KNDC1: variants seen among roughly 807,000 people sequenced by gnomAD.
The protein encoded by KNDC1 is kinase non-catalytic C-lobe domain containing 1.
KNDC1 carries 106 observed loss-of-function variants against 172.8 expected under a neutral mutation model. That is an observed-to-expected ratio of 0.61 (90% CI 0.52 to 0.72). KNDC1 has a LOEUF of 0.72. Ranked by LOEUF, KNDC1 falls within the 30% of genes least tolerant of loss-of-function variation. The pLI is 0.00. For missense variants in KNDC1, 2,325 were observed against 2,394.5 expected (o/e 0.97, Z 0.61); for synonymous variants, 1,083 against 1,062.2 (o/e 1.02, Z -0.38).
At position 133,199,456 on chromosome 10, in the gene KNDC1, A is replaced by C; in HGVS notation, c.2759-2A>C. The C allele has an allele frequency of 6.2e-7, 1 of 1,613,340 alleles. No individual in the cohort carries two copies. Among genetic ancestry groups the C allele is most frequent in the Non-Finnish European group, 8.5e-7 (1 of 1,179,790 alleles). ...CTTGTCTCCATCGTTTTGCAAAACC[A>C]GGGGAGTACATCTTCGCCTTGAAAG... is the stretch of plus-strand genomic sequence containing the variant. On this transcript the variant is annotated splice_acceptor_variant, in intron 14 of 29. Transcript: ENST00000304613. LOFTEE classifies it high-confidence loss of function.
intron 1 of KNDC1, among the ~76,000 whole-genome samples, chr10:133,165,684 G>T (rs1591214839): frequency 6.6e-6 from 1 of 152,222 alleles, no homozygotes; most frequent in Non-Finnish European, 1.5e-5. Context: ...TGCGTGTGCA[G>T]GTGCATGGGT....
intron 2 of KNDC1, 111 bp from the exon 3 acceptor site, chr10:133,168,143 C>T (rs1853239892): frequency 2.2e-6 from 2 of 911,094 alleles, no homozygotes; most frequent in Admixed American, 1.7e-5. Context: ...GACACCAGGT[C>T]TGCGGGGAGG....
chr10:133,224,606 A>T lies in KNDC1; in HGVS notation c.5019-53A>T. On this transcript the variant is annotated intron_variant, in intron 29 of 29. Coordinates refer to ENST00000304613, the MANE Select transcript of KNDC1 (RefSeq NM_152643.8). This position sits in a 1 kb window ranked among gnomAD's most constrained non-coding sequence, Gnocchi z 5.4. The stretch of plus-strand genomic sequence containing the variant: ...ACGCGGGGGGACTCCCTCCCCACGG[A>T]AGCCGCGCCCCTGCCCTGTGCAAAC... 7.3e-7 allele frequency: 1 copy of T among 1,370,816 alleles called. No individual in the cohort carries two copies. 84.9% of individuals were successfully genotyped at this position (1,370,816 alleles called of 1,614,324 possible).
intron 10 of KNDC1, among the ~76,000 whole-genome samples, chr10:133,196,715 T>A (rs1854201293): frequency 6.6e-6 from 1 of 152,040 alleles, no homozygotes; most frequent in Non-Finnish European, 1.5e-5. Flanking sequence ...CCTGAGCTTA[T>A]AAAGGGAGGA....
At chr10:133,204,099 G>C (rs940878899) in intron 17 of KNDC1, among the ~76,000 whole-genome samples, 4 of 152,162 alleles carry the variant, frequency 2.6e-5, no homozygotes, top group Admixed American at 2.0e-4. Flanking sequence ...ACCTCCGGGG[G>C]CCGGACGAGG....
In KNDC1 at chr10:133,222,446, C is replaced by CGT. The variant is rs72179908; in HGVS notation, c.5019-2197_5019-2196dup. Among the ~76,000 whole-genome samples the CGT allele has an allele frequency of 1.7e-3, 72 of 43,246 alleles. 3 individuals carry two copies. The highest frequency in any genetic ancestry group is 0.012 in the East Asian group (14 of 1,176). The allele number at this position is 43,246 out of a possible 152,430, so 28.4% of individuals were successfully genotyped here. On this transcript the variant is annotated intron_variant, in intron 29 of 29. Coordinates refer to ENST00000304613, the MANE Select transcript of KNDC1 (RefSeq NM_152643.8). ...GCCCATCCAGGCATGCTCTTCCCGGCGTGTGTGTGTGTGTGTGAGAGCCCA... is the reference window on the plus strand; with the variant it reads ...GCCCATCCAGGCATGCTCTTCCCGGCGTGTGTGTGTGTGTGTGTGAGAGCCCA...
intron 5 of KNDC1, among the ~76,000 whole-genome samples, chr10:133,184,248 G>C (rs991311274): frequency 8.3e-6 from 1 of 121,050 alleles, no homozygotes; most frequent in Non-Finnish European, 1.7e-5. Flanking sequence ...CGCACACACT[G>C]CACACACACG....
chr10:133,205,778 T>C (rs1470781585), intron 17 of KNDC1, among the ~76,000 whole-genome samples: 4 of 151,754 alleles, frequency 2.6e-5, no homozygotes, highest in Non-Finnish European at 5.9e-5. Flanking sequence ...GAGGTTGCAG[T>C]GAGTTGTGAT....
At chr10:133,213,577 G>T in intron 24 of KNDC1, 68 bp from the exon 25 acceptor site, 1 of 1,405,550 alleles carries the variant, frequency 7.1e-7, no homozygotes, top group Admixed American at 1.7e-5. Context: ...CCCTCCCTGG[G>T]ACCCTGCCTT....
chr10:133,215,323 C>G lies in KNDC1; in HGVS notation c.4677+1201C>G, dbSNP rs75773975. On this transcript the variant is annotated intron_variant, in intron 26 of 29. Transcript: ENST00000304613. ...GTACCTCCCTGCCAGGCGGCAAAGC[C>G]ACCTCCACGGTGGACAGAGCTTCCC... is the stretch of plus-strand genomic sequence containing the variant. Among the ~76,000 whole-genome samples, 1,391 of 152,362 alleles carry G rather than the reference C, an allele frequency of 9.1e-3. 13 individuals carry two copies. The highest frequency in any genetic ancestry group is 0.014 in the Non-Finnish European group (979 of 68,038).
Position 133,189,624 on chromosome 10 carries a change from G to A in KNDC1, c.1468G>A (p.Val490Ile). The change falls in exon 8 of 30, where the codon GTT (valine) becomes ATT (isoleucine). Residue 490 changes from valine to isoleucine, a missense_variant. Val to Ile is a conservative substitution (Grantham distance 29). Coordinates refer to ENST00000304613, the MANE Select transcript of KNDC1 (RefSeq NM_152643.8). ...CTACCTGTGTCTGGACTCCGTGCTG[G>A]TTGCTGAGGACGGGGCTGTGCTCTT... ...PAYLCLDSVL[V>I]AEDGAVLFQP... 6.2e-7 allele frequency: 1 copy of A among 1,613,790 alleles called. No homozygotes were observed. The highest frequency in any genetic ancestry group is 1.3e-5 in the African/African-American group (1 of 75,060).
intron 23 of KNDC1, among the ~76,000 whole-genome samples, chr10:133,212,172 C>T (rs1262896621): frequency 6.6e-6 from 1 of 151,692 alleles, no homozygotes; most frequent in Non-Finnish European, 1.5e-5. Context: ...TCGTGTGCAC[C>T]CTCACACATA....
At chr10:133,218,473 C>A (rs1034725749) in intron 26 of KNDC1, among the ~76,000 whole-genome samples, 10 of 152,226 alleles carry the variant, frequency 6.6e-5, no homozygotes, top group African/African-American at 2.2e-4. Flanking sequence ...TGCCTGTGGA[C>A]ACGACAGCGG....
intron 3 of KNDC1, chr10:133,178,702 T>A (rs1473209096): frequency 6.6e-6 from 1 of 152,378 alleles, no homozygotes; most frequent in East Asian, 1.9e-4. Context: ...CCCGACTCTC[T>A]TTCTTCCTTG....
In KNDC1 at chr10:133,219,998, G is replaced by A. The variant is rs1298959439; in HGVS notation, c.4904G>A (p.Arg1635His). The change falls in exon 29 of 30, where the codon CGC (arginine) becomes CAC (histidine). Residue 1635 changes from arginine (R) to histidine (H), a missense_variant. By Grantham distance (29) the Arg-to-His change is conservative (BLOSUM62 0). Coordinates refer to ENST00000304613, the MANE Select transcript of KNDC1 (RefSeq NM_152643.8). ...AGCCTGTGTCTGATGGAAGGGCGGCGCTTCCGGGCGCAGCCCACCCTGCCC... is the reference window on the plus strand; with the variant it reads ...AGCCTGTGTCTGATGGAAGGGCGGCACTTCCGGGCGCAGCCCACCCTGCCC... ...SDSLCLMEGR[R>H]FRAQPTLPSA... 6.4e-7 allele frequency: 1 copy of A among 1,553,478 alleles called. No individual in the cohort carries two copies. Among genetic ancestry groups the A allele is most frequent in the East Asian group, 2.4e-5 (1 of 41,410 alleles).
At chr10:133,216,749 G>A (rs1268867620) in intron 26 of KNDC1, among the ~76,000 whole-genome samples, 1 of 152,228 alleles carries the variant, frequency 6.6e-6, no homozygotes, top group East Asian at 1.9e-4. Context: ...TTAAAAATAT[G>A]GAACACCATA....
At chr10:133,178,032 C>T (rs952609100) in intron 3 of KNDC1, among the ~76,000 whole-genome samples, 7 of 146,886 alleles carry the variant, frequency 4.8e-5, no homozygotes, top group African/African-American at 1.8e-4. Context: ...TGGTATGTGT[C>T]ATGGGCACAC....
chr10:133,169,477 A>T (rs1267551547), intron 3 of KNDC1, among the ~76,000 whole-genome samples: 1 of 152,210 alleles, frequency 6.6e-6, no homozygotes, highest in Non-Finnish European at 1.5e-5. Context: ...AGGAAAGAAG[A>T]GTTTTGGGAT....
chr10:133,224,908 G>A lies in KNDC1; in HGVS notation c.*18G>A, dbSNP rs1845690407. ...TCCAGTAGCCGAGCTCGGGCCTGGTGTGGAATTCCAGATCCGAATCCGACT... is the reference window on the plus strand; with the variant it reads ...TCCAGTAGCCGAGCTCGGGCCTGGTATGGAATTCCAGATCCGAATCCGACT... On this transcript the variant is annotated 3_prime_UTR_variant, in exon 30 of 30. Coordinates refer to ENST00000304613, the MANE Select transcript of KNDC1 (RefSeq NM_152643.8). This position sits in a 1 kb window ranked among gnomAD's most constrained non-coding sequence, Gnocchi z 5.4. The A allele has an allele frequency of 6.3e-7, 1 of 1,590,050 alleles. No individual in the cohort carries two copies. Among genetic ancestry groups the A allele is most frequent in the Non-Finnish European group, 8.6e-7 (1 of 1,159,752 alleles).
Sources: allele counts gnomAD v4.1 joint callset (sites outside exome capture counted in the v4.1 genomes callset), GRCh38; gene constraint gnomAD v4.1.1; non-coding constraint Gnocchi (gnomAD v3.1); transcripts MANE v1.5; gene names NCBI Gene and HGNC (gene_info 2026-07-23, HGNC 2026-07-21).